PCDHGA11: variants seen among roughly 807,000 people sequenced by gnomAD.
The protein encoded by PCDHGA11 is protocadherin gamma-A11.
In PCDHGA11, 39 loss-of-function variants were observed where a neutral mutation model predicts 60.4. The observed-to-expected ratio is 0.65, with a 90% CI of 0.50 to 0.84. The LOEUF (loss-of-function observed/expected upper bound fraction) is 0.84, where lower values mean the gene tolerates loss of function less well. Ranked by LOEUF, PCDHGA11 falls within the 40% of genes least tolerant of loss-of-function variation. The pLI is 0.00. For missense variants in PCDHGA11, 1,165 were observed against 1,197.7 expected (o/e 0.97, Z 0.40); for synonymous variants, 533 against 510.3 (o/e 1.04, Z -0.60).
intron 1 of PCDHGA11, among the ~76,000 whole-genome samples, chr5:141,448,669 G>T: frequency 6.6e-6 from 1 of 152,136 alleles, no homozygotes; most frequent in East Asian, 1.9e-4. Flanking sequence ...GGCCGGGCGC[G>T]GTGGCTCACG....
Position 141,422,670 on chromosome 5 carries a change from C to CA in PCDHGA11, c.1444dup (p.Ser482LysfsTer14), listed in dbSNP as rs754910458. The CA allele has an allele frequency of 3.7e-6, 6 of 1,607,126 alleles. No individual in the cohort carries two copies. The highest frequency in any genetic ancestry group is 1.7e-6 in the Non-Finnish European group (2 of 1,176,364). ...TCTCAGTGACCGCCCTCGACCCGGA[C>CA]AGCAAACAGAATGCCCTGGTCACTT... On this transcript the variant is annotated frameshift_variant, in exon 1 of 4. Coordinates refer to ENST00000398587, the MANE Select transcript of PCDHGA11 (RefSeq NM_018914.3). LOFTEE classifies it high-confidence loss of function.
chr5:141,503,630 A>G, intron 2 of PCDHGA11, among the ~76,000 whole-genome samples: 1 of 152,088 alleles, frequency 6.6e-6, no homozygotes, highest in Admixed American at 6.6e-5. Flanking sequence ...AAGAAAAGAA[A>G]TAATTATTGA....
At chr5:141,492,755 C>T (rs938918009) in intron 1 of PCDHGA11, among the ~76,000 whole-genome samples, 3 of 152,262 alleles carry the variant, frequency 2.0e-5, no homozygotes, top group African/African-American at 7.2e-5. Flanking sequence ...CGCGGCAGGG[C>T]TCCGCGTTGG....
In PCDHGA11 at chr5:141,431,771, C is replaced by G. The variant is rs1175712662; in HGVS notation, c.2433+8111C>G. 1.2e-6 allele frequency: 2 copies of G among 1,614,214 alleles called. No homozygotes were observed. Among genetic ancestry groups the G allele is most frequent in the Non-Finnish European group, 8.5e-7 (1 of 1,180,034 alleles). The stretch of plus-strand genomic sequence containing the variant: ...GCGAGCCAAAGTCCTGATCACTGTT[C>G]TGGACGTGAACGACAATGCCCCAGA... On this transcript the variant is annotated intron_variant, in intron 1 of 3. Coordinates refer to ENST00000398587, the MANE Select transcript of PCDHGA11 (RefSeq NM_018914.3). The surrounding 1 kb of genome is among the most constrained non-coding windows in gnomAD (Gnocchi z 4.8).
chr5:141,478,096 T>C (rs749277013), intron 1 of PCDHGA11: 1 of 1,614,074 alleles, frequency 6.2e-7, no homozygotes, highest in South Asian at 1.1e-5. Context: ...CCACCACTGC[T>C]ACCCTCACTG....
intron 1 of PCDHGA11, among the ~76,000 whole-genome samples, chr5:141,464,431 A>G (rs1352563675): frequency 6.6e-6 from 1 of 151,648 alleles, no homozygotes; most frequent in Non-Finnish European, 1.5e-5. Flanking sequence ...ATATAGATAT[A>G]TATGTTTGTT....
At position 141,477,961 on chromosome 5, in the gene PCDHGA11, C is replaced by T. The variant is rs199947431; in HGVS notation, c.2434-16846C>T. 21 of 1,614,048 alleles carry T rather than the reference C, an allele frequency of 1.3e-5. No homozygotes were observed. The Admixed American group carries it at 1.5e-4, about 12-fold the overall frequency. On this transcript the variant is annotated intron_variant, in intron 1 of 3. Coordinates refer to ENST00000398587, the MANE Select transcript of PCDHGA11 (RefSeq NM_018914.3). The surrounding 1 kb of genome is among the most constrained non-coding windows in gnomAD (Gnocchi z 4.9). Reference sequence around the variant, plus strand: ...CCTACAGTCTCTTGGGATCCCCTAACCAGAGCCTTTTTGCCATAGGGCTGC... The same window carrying T: ...CCTACAGTCTCTTGGGATCCCCTAATCAGAGCCTTTTTGCCATAGGGCTGC...
rs1363891858 is a variant in PCDHGA11, at chr5:141,491,369, C to T, written c.2434-3438C>T. 8.7e-6 allele frequency: 14 copies of T among 1,614,110 alleles called. No homozygotes were observed. Among genetic ancestry groups the T allele is most frequent in the East Asian group, 2.2e-5 (1 of 44,866 alleles). On this transcript the variant is annotated intron_variant, in intron 1 of 3. Coordinates refer to ENST00000398587, the MANE Select transcript of PCDHGA11 (RefSeq NM_018914.3). The surrounding 1 kb of genome is among the most constrained non-coding windows in gnomAD (Gnocchi z 6.9). ...AGTCTCTTATCCCTAGTCACCTTCACCTTTCTGTCAGCGAAGTGCCTTCAG... is the reference window on the plus strand; with the variant it reads ...AGTCTCTTATCCCTAGTCACCTTCATCTTTCTGTCAGCGAAGTGCCTTCAG...
intron 2 of PCDHGA11, among the ~76,000 whole-genome samples, chr5:141,500,231 C>T (rs992215482): frequency 1.4e-5 from 2 of 138,098 alleles, no homozygotes; most frequent in East Asian, 4.1e-4. Context: ...TTTATTGATA[C>T]GTAGCCTTGC....
At chr5:141,428,823 T>C (rs2097162740) in intron 1 of PCDHGA11, 1 of 152,274 alleles carries the variant, frequency 6.6e-6, no homozygotes, top group Non-Finnish European at 1.5e-5. Context: ...TTAGCTTTCA[T>C]GTATTTTTGA....
chr5:141,421,829 T>G lies in PCDHGA11; in HGVS notation c.602T>G (p.Leu201Arg). The G allele has an allele frequency of 3.1e-6, 5 of 1,613,784 alleles. No individual in the cohort carries two copies. The highest frequency in any genetic ancestry group is 4.2e-6 in the Non-Finnish European group (5 of 1,179,888). ...KNPELVLEGS[L>R]DREKEAAHLL... ...CCAGAGCTAGTACTGGAGGGAAGCCTGGACCGAGAGAAAGAGGCTGCTCAC... is the reference window on the plus strand; with the variant it reads ...CCAGAGCTAGTACTGGAGGGAAGCCGGGACCGAGAGAAAGAGGCTGCTCAC... Residue 201 changes from leucine to arginine, a missense_variant, in exon 1 of 4, where the codon CTG (leucine) becomes CGG (arginine). Physicochemically the swap from Leu to Arg is moderately radical, Grantham distance 102 (BLOSUM62 -2). Coordinates refer to ENST00000398587, the MANE Select transcript of PCDHGA11 (RefSeq NM_018914.3).
chr5:141,444,093 G>A (rs531514787), intron 1 of PCDHGA11, among the ~76,000 whole-genome samples: 1 of 147,730 alleles, frequency 6.8e-6, no homozygotes, highest in East Asian at 2.0e-4. Flanking sequence ...GTCTGCTAAG[G>A]ATTGGAAACC....
At position 141,511,005 on chromosome 5, in the gene PCDHGA11, C is replaced by T; in HGVS notation, c.2640C>T (p.Ala880=). ...GGGAGTMGLS[A]RYGPQFTLQH... The stretch of plus-strand genomic sequence containing the variant: ...GTGCCGGCACCATGGGATTGAGCGC[C>T]CGCTACGGACCCCAGTTCACCCTGC... Residue 880 remains alanine, a synonymous_variant, in exon 4 of 4, where the codon GCC becomes GCT. Coordinates refer to ENST00000398587, the MANE Select transcript of PCDHGA11 (RefSeq NM_018914.3). The T allele has an allele frequency of 6.2e-7, 1 of 1,614,176 alleles. No individual in the cohort carries two copies.
chr5:141,500,467 C>T lies in PCDHGA11; in HGVS notation c.2493-4926C>T, dbSNP rs368360639. 6.6e-5 allele frequency among the ~76,000 whole-genome samples: 10 copies of T among 152,262 alleles called. No homozygotes were observed. In the South Asian group the frequency reaches 2.1e-3, roughly 32 times the overall value. ...CTCGTGATCCGCCCGCCTCGGCCTC[C>T]CAAAGTGCTGGGATTACAGGCGTGA... is the stretch of plus-strand genomic sequence containing the variant. On this transcript the variant is annotated intron_variant, in intron 2 of 3. Coordinates refer to ENST00000398587, the MANE Select transcript of PCDHGA11 (RefSeq NM_018914.3).
intron 1 of PCDHGA11, chr5:141,427,831 G>A (rs2097077070): frequency 6.5e-7 from 1 of 1,539,366 alleles, no homozygotes; most frequent in East Asian, 2.2e-5. Context: ...GTCGCGCAGC[G>A]TGCCTTCGAC....
In PCDHGA11 at chr5:141,467,461, A is replaced by G. The variant is rs1330947379; in HGVS notation, c.2434-27346A>G. ...ATTACTTTTTTCTTCCAGTGCTAGT[A>G]CTTGCATGGTTTTTGGTTTCCACAT... On this transcript the variant is annotated intron_variant, in intron 1 of 3. Coordinates refer to ENST00000398587, the MANE Select transcript of PCDHGA11 (RefSeq NM_018914.3). 2.6e-5 allele frequency among the ~76,000 whole-genome samples: 4 copies of G among 152,158 alleles called. No homozygotes were observed. The South Asian group carries it at 8.3e-4, about 31-fold the overall frequency.
At chr5:141,440,113 G>A (rs1375262224) in intron 1 of PCDHGA11, 1 of 152,248 alleles carries the variant, frequency 6.6e-6, no homozygotes, top group Non-Finnish European at 1.5e-5. Context: ...ACTTACTTGT[G>A]AATGACTGAA....
At position 141,476,455 on chromosome 5, in the gene PCDHGA11, G is replaced by A. The variant is rs572682842; in HGVS notation, c.2434-18352G>A. The A allele has an allele frequency of 1.2e-6, 2 of 1,614,034 alleles. No individual in the cohort carries two copies. The highest frequency in any genetic ancestry group is 2.2e-5 in the South Asian group (2 of 91,084). ...CTGTAACTCTGGAGTTGGTAGTGGA[G>A]AACCCGCTGGAGCTGTTCAGCGTGG... On this transcript the variant is annotated intron_variant, in intron 1 of 3. Coordinates refer to ENST00000398587, the MANE Select transcript of PCDHGA11 (RefSeq NM_018914.3). This position sits in a 1 kb window ranked among gnomAD's most constrained non-coding sequence, Gnocchi z 7.6.
rs1401836240 is a variant in PCDHGA11 at position 141,423,309 on chromosome 5, G to T, written c.2082G>T (p.Leu694Phe). Residue 694 changes from leucine to phenylalanine, a missense_variant, in exon 1 of 4, where the codon TTG becomes TTT. By Grantham distance (22) the Leu-to-Phe change is conservative (BLOSUM62 0). Coordinates refer to ENST00000398587, the MANE Select transcript of PCDHGA11 (RefSeq NM_018914.3). ...NSETSDLSLY[L>F]VVAVAAVSCI... ...AAACCTCAGACCTCTCGCTGTACTT[G>T]GTGGTGGCGGTGGCCGCAGTCTCCT... 6.2e-7 allele frequency: 1 copy of T among 1,614,176 alleles called. No homozygotes were observed. The highest frequency in any genetic ancestry group is 1.1e-5 in the South Asian group (1 of 91,090).
Sources: allele counts gnomAD v4.1 joint callset (sites outside exome capture counted in the v4.1 genomes callset), GRCh38; gene constraint gnomAD v4.1.1; non-coding constraint Gnocchi (gnomAD v3.1); transcripts MANE v1.5; gene names NCBI Gene and HGNC (gene_info 2026-07-23, HGNC 2026-07-21).